PRKN: variants seen among roughly 807,000 people sequenced by gnomAD.
PRKN encodes E3 ubiquitin-protein ligase parkin.
Under a neutral mutation model 59.5 loss-of-function variants are expected in PRKN, and 56 were observed. The observed-to-expected ratio is 0.94, with a 90% CI of 0.76 to 1.18. The LOEUF (loss-of-function observed/expected upper bound fraction) is 1.18. Among genes scored for constraint, PRKN ranks in the 50% most tolerant of loss-of-function variants. The probability of loss-of-function intolerance (pLI) is 0.00; values close to 1 mark genes in which losing one functional copy is unlikely to be tolerated. For synonymous variants in PRKN, 250 were observed against 222.1 expected (o/e 1.13, Z -1.12); for missense variants, 657 against 596.4 (o/e 1.10, Z -1.06).
intron 7 of PRKN, among the ~76,000 whole-genome samples, chr6:161,697,303 T>C (rs1001251399): frequency 4.6e-5 from 7 of 152,316 alleles, no homozygotes; most frequent in East Asian, 1.9e-4. Flanking sequence ...GGAAAGACAA[T>C]GATATCATGG....
chr6:161,569,922 C>G (rs991458377), intron 7 of PRKN, among the ~76,000 whole-genome samples: 1 of 151,886 alleles, frequency 6.6e-6, no homozygotes, highest in Non-Finnish European at 1.5e-5. Context: ...CGGTTAGTAC[C>G]TTGCCTGGTT....
intron 5 of PRKN, among the ~76,000 whole-genome samples, chr6:162,000,719 A>G (rs537093993): frequency 2.9e-4 from 44 of 151,994 alleles, no homozygotes; most frequent in African/African-American, 1.0e-3. Context: ...CTAAAAAGTT[A>G]TTACTATACC....
chr6:162,480,798 T>TA (rs1299252908), intron 1 of PRKN, among the ~76,000 whole-genome samples: 1 of 152,066 alleles, frequency 6.6e-6, no homozygotes, highest in Non-Finnish European at 1.5e-5. Flanking sequence ...GGAGACAGTG[T>TA]ATTTTAACTG....
chr6:162,157,710 C>G (rs190979536), intron 4 of PRKN, among the ~76,000 whole-genome samples: 1 of 152,118 alleles, frequency 6.6e-6, no homozygotes, highest in African/African-American at 2.4e-5. Context: ...TCAAAATGCT[C>G]TACCGCAGTT....
intron 6 of PRKN, among the ~76,000 whole-genome samples, chr6:161,830,428 G>GTA: frequency 6.6e-6 from 1 of 151,830 alleles, no homozygotes; most frequent in Admixed American, 6.6e-5. Flanking sequence ...ATTTTTTTCT[G>GTA]TTTTTAGTAG....
intron 6 of PRKN, among the ~76,000 whole-genome samples, chr6:161,921,229 A>G (rs984941815): frequency 5.9e-5 from 9 of 152,150 alleles, no homozygotes; most frequent in Non-Finnish European, 1.3e-4. Context: ...AGGATCATCC[A>G]TATCACCATC....
chr6:162,713,596 T>C (rs1211734805), intron 1 of PRKN, among the ~76,000 whole-genome samples: 1 of 151,314 alleles, frequency 6.6e-6, no homozygotes, highest in Non-Finnish European at 1.5e-5. Flanking sequence ...AGAAATATCA[T>C]AGTGTTATAT....
intron 2 of PRKN, among the ~76,000 whole-genome samples, chr6:162,426,455 A>G (rs914644865): frequency 6.6e-6 from 1 of 152,104 alleles, no homozygotes; most frequent in African/African-American, 2.4e-5. Context: ...TTAAAAACTA[A>G]TTTTCTTTTT....
chr6:162,071,941 C>T (rs1346424869), intron 4 of PRKN, among the ~76,000 whole-genome samples: 1 of 152,114 alleles, frequency 6.6e-6, no homozygotes, highest in Non-Finnish European at 1.5e-5. Context: ...CTCTTCATTT[C>T]TCCTAGTGTT....
intron 4 of PRKN, among the ~76,000 whole-genome samples, chr6:162,062,039 T>A (rs1009737960): frequency 2.6e-5 from 4 of 152,178 alleles, no homozygotes; most frequent in Admixed American, 6.5e-5. Flanking sequence ...AAAAGTAACA[T>A]ATGACTCAGT....
rs1031833385 is a variant in PRKN, at chr6:162,670,549, T to C, written c.7+57113A>G. On this transcript the variant is annotated intron_variant, in intron 1 of 11. Coordinates refer to ENST00000366898, the MANE Select transcript of PRKN (RefSeq NM_004562.3). Reference sequence around the variant, plus strand: ...TTATCTATGCTGGCGCTACTGATTGTATTGGCTTTCGTAGGGGACAAATAC... The same window carrying C: ...TTATCTATGCTGGCGCTACTGATTGCATTGGCTTTCGTAGGGGACAAATAC... Among the ~76,000 whole-genome samples, 106 of 152,288 alleles carry C rather than the reference T, an allele frequency of 7.0e-4. 3 individuals carry two copies. The highest frequency in any genetic ancestry group is 8.8e-5 in the Non-Finnish European group (6 of 68,024).
At chr6:162,478,711 T>C (rs1792147923) in intron 1 of PRKN, among the ~76,000 whole-genome samples, 1 of 152,140 alleles carries the variant, frequency 6.6e-6, no homozygotes, top group Non-Finnish European at 1.5e-5. Context: ...TACAGGCGAC[T>C]CCACACCTAG....
intron 1 of PRKN, among the ~76,000 whole-genome samples, chr6:162,509,999 C>G (rs1463950955): frequency 6.6e-6 from 1 of 152,152 alleles, no homozygotes; most frequent in African/African-American, 2.4e-5. Context: ...TGCAACAAAT[C>G]TCCACAGCAG....
intron 4 of PRKN, among the ~76,000 whole-genome samples, chr6:162,177,046 AAAAT>A (rs959815945): frequency 2.0e-5 from 3 of 152,070 alleles, no homozygotes; most frequent in Non-Finnish European, 4.4e-5. Flanking sequence ...CACACACAAA[AAAAT>A]AAATAAATGC....
At chr6:162,609,100 G>A (rs537455073) in intron 1 of PRKN, among the ~76,000 whole-genome samples, 18 of 152,196 alleles carry the variant, frequency 1.2e-4, no homozygotes, top group Non-Finnish European at 2.1e-4. Context: ...AAGAGAAAAA[G>A]AAGCTAGAAA....
rs149104462 is a variant in PRKN, at chr6:161,550,997, G to A, written c.934-1994C>T. ...AAGATGACCTGGCCTCCTTGTAAACGTGTGAATGGCATACACATACAGCAC... is the reference window on the plus strand; with the variant it reads ...AAGATGACCTGGCCTCCTTGTAAACATGTGAATGGCATACACATACAGCAC... On this transcript the variant is annotated intron_variant, in intron 8 of 11. Transcript: ENST00000366898. The surrounding 1 kb of genome is among the most constrained non-coding windows in gnomAD (Gnocchi z 4.0). 6.6e-5 allele frequency among the ~76,000 whole-genome samples: 10 copies of A among 152,204 alleles called. No individual in the cohort carries two copies. Among genetic ancestry groups the A allele is most frequent in the African/African-American group, 1.7e-4 (7 of 41,512 alleles).
chr6:162,152,290 C>T (rs1782306253), intron 4 of PRKN, among the ~76,000 whole-genome samples: 1 of 152,108 alleles, frequency 6.6e-6, no homozygotes, highest in Non-Finnish European at 1.5e-5. Flanking sequence ...CCCAAATTTT[C>T]CAAATCCTTC....
intron 2 of PRKN, among the ~76,000 whole-genome samples, chr6:162,395,177 C>A (rs1022091315): frequency 1.3e-5 from 2 of 152,200 alleles, no homozygotes; most frequent in Non-Finnish European, 2.9e-5. Flanking sequence ...GGTAGTCATA[C>A]TCTAGCATAA....
chr6:162,437,235 T>G (rs1789820511), intron 2 of PRKN, among the ~76,000 whole-genome samples: 1 of 152,206 alleles, frequency 6.6e-6, no homozygotes, highest in African/African-American at 2.4e-5. Context: ...TCATTTCTTA[T>G]GTTAAATATC....
Sources: gnomAD v4.1 joint callset for allele counts (sites outside exome capture counted in the v4.1 genomes callset) on GRCh38, gnomAD v4.1.1 for gene constraint, Gnocchi (gnomAD v3.1) non-coding constraint, MANE v1.5 for transcripts, NCBI Gene and HGNC (gene_info 2026-07-23, HGNC 2026-07-21) for gene names.